Variants in UNC13A observed in about 807,000 individuals in gnomAD.
UNC13A encodes protein unc-13 homolog A.
UNC13A carries 61 observed loss-of-function variants against 219.7 expected under a neutral mutation model. The ratio of observed to expected loss-of-function variants is 0.28; its 90% confidence interval spans 0.23 to 0.34. The LOEUF (loss-of-function observed/expected upper bound fraction) is 0.34, where lower values mean the gene tolerates loss of function less well. Ranked by LOEUF, UNC13A falls within the 10% of genes least tolerant of loss-of-function variation. The probability of loss-of-function intolerance (pLI) is 1.00; values close to 1 mark genes in which losing one functional copy is unlikely to be tolerated. For missense variants in UNC13A, 1,476 were observed against 2,270.3 expected, an observed-to-expected ratio of 0.65 and a Z score of 7.11; for synonymous variants, 920 against 884.6, an observed-to-expected ratio of 1.04 and a Z score of -0.71.
Position 17,656,157 on chromosome 19 carries a change from G to T in UNC13A, c.1009C>A (p.Leu337Met), listed in dbSNP as rs886742960. ...DLEDFLEEEE[L>M]PEDEEELEEE... ...TCCAGCTCCTCCTCATCTTCAGGCA[G>T]CTCCTCCTCCTCCAGGAAGTCCTCC... The change falls in exon 10 of 44, where the codon CTG becomes ATG. Residue 337 changes from leucine to methionine, a missense_variant. Coordinates refer to ENST00000519716, the MANE Select transcript of UNC13A (RefSeq NM_001080421.3). 1 of 1,551,920 alleles carries T rather than the reference G, an allele frequency of 6.4e-7. No individual in the cohort carries two copies. The highest frequency in any genetic ancestry group is 1.4e-5 in the African/African-American group (1 of 73,128).
chr19:17,667,987 T>G (rs1599401585), intron 6 of UNC13A, 130 bp downstream of exon 6: 1 of 915,808 alleles, frequency 1.1e-6, no homozygotes, highest in Non-Finnish European at 1.6e-6. Flanking sequence ...TGCAGTCAGG[T>G]TACAAAGAGT....
intron 1 of UNC13A, among the ~76,000 whole-genome samples, chr19:17,687,598 C>T (rs1039018181): frequency 3.3e-5 from 5 of 152,098 alleles, no homozygotes; most frequent in African/African-American, 1.2e-4. Flanking sequence ...ACACTCCCCC[C>T]ACTCCAGTCC....
Position 17,649,204 on chromosome 19 carries a change from C to T in UNC13A, c.1524+135G>A, listed in dbSNP as rs776683175. On this transcript the variant is annotated intron_variant, in intron 14 of 43. Transcript: ENST00000519716. This position sits in a 1 kb window ranked among gnomAD's most constrained non-coding sequence, Gnocchi z 4.4. ...CCCTGGAAAGTGAGCAGCCCCGCAC[C>T]CCTGACTCACAGCATCCAACACAGT... 3.5e-6 allele frequency: 5 copies of T among 1,411,476 alleles called. No individual in the cohort carries two copies. Among genetic ancestry groups the T allele is most frequent in the Non-Finnish European group, 4.8e-6 (5 of 1,034,314 alleles). The allele number at this position is 1,411,476 out of a possible 1,614,324, so 87.4% of individuals were successfully genotyped here. A position where few individuals can be genotyped will look rare whatever the true frequency, so the allele number is the denominator to read the frequency against.
chr19:17,655,200 A>G lies in UNC13A; in HGVS notation c.1392+74T>C, dbSNP rs1599383960. 23 of 1,317,256 alleles carry G rather than the reference A, an allele frequency of 1.7e-5. No individual in the cohort carries two copies. The East Asian group carries it at 5.8e-4, about 33-fold the overall frequency. 81.6% of individuals were successfully genotyped at this position (1,317,256 alleles called of 1,614,324 possible). On this transcript the variant is annotated intron_variant, in intron 11 of 43. Coordinates refer to ENST00000519716, the MANE Select transcript of UNC13A (RefSeq NM_001080421.3). ...GGCCAATATAGGTGTGGGTGTGGCC[A>G]AAACATGTGTGGGCCTGCCATTGGG...
rs533142230 is a variant in UNC13A at position 17,657,469 on chromosome 19, G to A, written c.767+593C>T. On this transcript the variant is annotated intron_variant, in intron 9 of 43. Transcript: ENST00000519716. ...ATGTGAACCCAGGATCGTGCTCAAC[G>A]TCAACAGCAATATCTGTCTCTGTCT... Among the ~76,000 whole-genome samples the A allele has an allele frequency of 3.9e-5, 6 of 152,270 alleles. No individual in the cohort carries two copies. The South Asian group carries it at 1.2e-3, about 32-fold the overall frequency.
rs772902726 is a variant in UNC13A, at chr19:17,617,891, C to T, written c.4411-42G>A. 1.4e-5 allele frequency: 23 copies of T among 1,609,526 alleles called. No individual in the cohort carries two copies. In the South Asian group the frequency reaches 1.8e-4, roughly 12 times the overall value. On this transcript the variant is annotated intron_variant, in intron 40 of 43. Coordinates refer to ENST00000519716, the MANE Select transcript of UNC13A (RefSeq NM_001080421.3). ...GGGGAGAGGTGAGGATGGTGGGAAC[C>T]TCTACCCACTCATAGGGCTGGGTAG...
intron 25 of UNC13A, among the ~76,000 whole-genome samples, 193 bp downstream of exon 25, chr19:17,638,890 G>A (rs778427046): frequency 2.0e-5 from 3 of 152,070 alleles, no homozygotes; most frequent in Admixed American, 6.6e-5. Context: ...ACTGAGTGCC[G>A]ACTATATTTT....
intron 38 of UNC13A, 110 bp from the exon 39 acceptor site, chr19:17,619,072 G>A: frequency 1.0e-6 from 1 of 993,612 alleles, no homozygotes; most frequent in South Asian, 1.4e-5. Context: ...GGCAATAATT[G>A]TGTCCCAGGG....
rs993742493 is a variant in UNC13A at position 17,629,247 on chromosome 19, T to A, written c.3746A>T (p.Glu1249Val). The change falls in exon 31 of 44, where the codon GAG (glutamate) becomes GTG (valine). Residue 1249 changes from glutamate (E) to valine (V), a missense_variant. Physicochemically the swap from Glu to Val is moderately radical, Grantham distance 121 (BLOSUM62 -2). This residue lies in a region of UNC13A where 218 missense variants were observed against 409.4 expected (regional missense o/e 0.53). Transcript: ENST00000519716. ...GGGGCCCCCTCAGGTCACCACTTTCTCCTTCTCCTTGGAGCAGTAGGAGGC... is the reference window on the plus strand; with the variant it reads ...GGGGCCCCCTCAGGTCACCACTTTCACCTTCTCCTTGGAGCAGTAGGAGGC... ...DFASYCSKEK[E>V]KVPCILMNNT... 6.2e-7 allele frequency: 1 copy of A among 1,609,552 alleles called. No individual in the cohort carries two copies. The highest frequency in any genetic ancestry group is 2.2e-5 in the East Asian group (1 of 44,792).
intron 1 of UNC13A, among the ~76,000 whole-genome samples, chr19:17,686,820 G>A (rs1406698699): frequency 2.0e-5 from 3 of 151,892 alleles, no homozygotes; most frequent in African/African-American, 7.2e-5. Flanking sequence ...ATCGGCCGAG[G>A]GGGAGGGGAG....
At chr19:17,659,988 TG>T (rs2079524096) in intron 8 of UNC13A, among the ~76,000 whole-genome samples, 1 of 152,196 alleles carries the variant, frequency 6.6e-6, no homozygotes, top group Admixed American at 6.5e-5. Flanking sequence ...CTCGACCTCC[TG>T]GGCTCAAGAG....
At chr19:17,681,132 G>A (rs2080010202) in intron 1 of UNC13A, among the ~76,000 whole-genome samples, 1 of 140,032 alleles carries the variant, frequency 7.1e-6, no homozygotes, top group South Asian at 2.2e-4. Context: ...CTGGCTTCAA[G>A]GCTCAAGCCA....
intron 26 of UNC13A, among the ~76,000 whole-genome samples, chr19:17,634,443 A>T (rs1355174459): frequency 6.6e-6 from 1 of 151,886 alleles, no homozygotes; most frequent in African/African-American, 2.4e-5. Flanking sequence ...GGCTCAAATG[A>T]TTCTCGTGCC....
chr19:17,681,523 T>C (rs1254933512), intron 1 of UNC13A, among the ~76,000 whole-genome samples: 1 of 152,130 alleles, frequency 6.6e-6, no homozygotes, highest in Non-Finnish European at 1.5e-5. Flanking sequence ...TTGACACAAA[T>C]AGACCAGAGC....
intron 17 of UNC13A, 26 bp downstream of exon 17, chr19:17,647,239 C>A: frequency 6.5e-7 from 1 of 1,543,136 alleles, no homozygotes; most frequent in South Asian, 1.2e-5. Flanking sequence ...GAAGGAGGGG[C>A]CCTATGGCGG....
intron 19 of UNC13A, among the ~76,000 whole-genome samples, chr19:17,645,025 T>TTTTTTTTTG (rs2077010499): frequency 6.7e-6 from 1 of 148,666 alleles, no homozygotes; most frequent in Non-Finnish European, 1.5e-5. Context: ...TTTTTTTTTT[T>TTTTTTTTTG]GAGTGGGAGT....
At chr19:17,613,695 TAA>T (rs2076628424) in intron 41 of UNC13A, 2 of 145,754 alleles carry the variant, frequency 1.4e-5, no homozygotes, top group Admixed American at 1.4e-4. Flanking sequence ...TGCAGAATCT[TAA>T]GTTTCTTTTT....
At position 17,606,223 on chromosome 19, in the gene UNC13A, C is replaced by T; in HGVS notation, c.4943G>A (p.Ser1648Asn). The T allele has an allele frequency of 6.4e-7, 1 of 1,552,622 alleles. No homozygotes were observed. The highest frequency in any genetic ancestry group is 8.7e-7 in the Non-Finnish European group (1 of 1,149,488). ...GCCGAGCGGCAGCCAGCAGGCGGCG[C>T]TCCCGCGCTGGGCCAGCTCACGCAG... The part of the protein sequence containing the change: ...LQLRELAQRG[S>N]AACWLPLGRR... Residue 1648 changes from serine to asparagine, a missense_variant, in exon 44 of 44, where the codon AGC becomes AAC. This residue lies in a region of UNC13A where 187 missense variants were observed against 172.3 expected (regional missense o/e 1.09). Transcript: ENST00000519716.
intron 1 of UNC13A, among the ~76,000 whole-genome samples, chr19:17,680,337 C>T (rs913616432): frequency 4.6e-5 from 7 of 152,210 alleles, no homozygotes; most frequent in African/African-American, 1.7e-4. Flanking sequence ...GAAGCGCCAC[C>T]CTTCCCCAGC....
Sources: allele counts gnomAD v4.1 joint callset (sites outside exome capture counted in the v4.1 genomes callset), GRCh38; gene constraint gnomAD v4.1.1; regional missense constraint gnomAD v4.1.1; non-coding constraint Gnocchi (gnomAD v3.1); transcripts MANE v1.5; gene names NCBI Gene and HGNC (gene_info 2026-07-23, HGNC 2026-07-21).